The following NELL2 variants were observed in gnomAD, a reference collection of about 807,000 sequenced individuals.
The protein encoded by NELL2 is protein kinase C-binding protein NELL2.
In NELL2, 41 loss-of-function variants were observed where a neutral mutation model predicts 109.6. The ratio of observed to expected loss-of-function variants is 0.37; its 90% CI spans 0.29 to 0.49. NELL2 has a LOEUF of 0.49. NELL2 is among the 20% of genes least tolerant of loss of function. The pLI is 0.98. For missense variants in NELL2, 900 were observed against 1,008.3 expected, an observed-to-expected ratio of 0.89 and a Z score of 1.45; for synonymous variants, 355 against 344.7, an observed-to-expected ratio of 1.03 and a Z score of -0.33.
At chr12:44,886,093 AAGG>A (rs1298213302) in intron 1 of NELL2, among the ~76,000 whole-genome samples, 2 of 57,678 alleles carry the variant, frequency 3.5e-5, no homozygotes, top group East Asian at 4.0e-4. Flanking sequence ...GTAAGGAAGG[AAGG>A]AAGGAAGGAA....
intron 2 of NELL2, among the ~76,000 whole-genome samples, chr12:44,871,082 A>G (rs1377016393): frequency 6.6e-6 from 1 of 152,020 alleles, no homozygotes; most frequent in Non-Finnish European, 1.5e-5. Context: ...ATGCACATTC[A>G]TCCCATGCTC....
intron 2 of NELL2, among the ~76,000 whole-genome samples, chr12:44,850,165 T>C (rs1944491102): frequency 6.6e-6 from 1 of 152,108 alleles, no homozygotes; most frequent in African/African-American, 2.4e-5. Context: ...AAACACAGAG[T>C]AGACAGGTAT....
intron 9 of NELL2, among the ~76,000 whole-genome samples, chr12:44,751,462 C>T (rs745603642): frequency 7.2e-5 from 11 of 151,942 alleles, no homozygotes; most frequent in African/African-American, 9.7e-5. Flanking sequence ...TCATCAAAAT[C>T]TAGTATTTAG....
intron 15 of NELL2, among the ~76,000 whole-genome samples, chr12:44,600,131 T>A (rs752393385): frequency 0.01 from 390 of 38,982 alleles, 1 homozygote; most frequent in African/African-American, 0.018. Context: ...CCGGCTAATT[T>A]ATTTATTTAT....
At chr12:44,542,358 C>T (rs561421016) in intron 15 of NELL2, among the ~76,000 whole-genome samples, 1 of 151,766 alleles carries the variant, frequency 6.6e-6, no homozygotes, top group Non-Finnish European at 1.5e-5. Context: ...GGGATCTACC[C>T]TCAGACCTTT....
intron 9 of NELL2, among the ~76,000 whole-genome samples, chr12:44,722,806 T>C (rs1253289093): frequency 6.6e-6 from 1 of 152,198 alleles, no homozygotes; most frequent in Non-Finnish European, 1.5e-5. Flanking sequence ...AGTGATTTAT[T>C]ATAACTTGGT....
intron 2 of NELL2, among the ~76,000 whole-genome samples, chr12:44,817,742 C>T (rs527876670): frequency 1.3e-5 from 2 of 152,294 alleles, no homozygotes; most frequent in East Asian, 3.9e-4. Flanking sequence ...CCTGCTGTTT[C>T]CATCACCATT....
Position 44,511,399 on chromosome 12 carries a change from A to G in NELL2, c.2401-2415T>C, listed in dbSNP as rs529644405. Among the ~76,000 whole-genome samples, 5 of 152,310 alleles carry G rather than the reference A, an allele frequency of 3.3e-5. No individual in the cohort carries two copies. In the East Asian group the frequency reaches 9.7e-4, roughly 29 times the overall value. On this transcript the variant is annotated intron_variant, in intron 19 of 19. Transcript: ENST00000429094. ...GACACTACAGCAGTTTCAATCTTTG[A>G]AAGAAGGAAAATGTACTGTGTGAGT...
intron 15 of NELL2, among the ~76,000 whole-genome samples, chr12:44,562,831 G>T (rs148356907): frequency 1.3e-3 from 198 of 152,260 alleles, no homozygotes; most frequent in African/African-American, 4.5e-3. Context: ...ATACCCAAAG[G>T]ATTATAAATT....
intron 12 of NELL2, among the ~76,000 whole-genome samples, chr12:44,694,345 ATT>A: frequency 6.6e-6 from 1 of 152,232 alleles, no homozygotes; most frequent in Non-Finnish European, 1.5e-5. Flanking sequence ...AACTTATATC[ATT>A]GAGTCTCCAA....
rs143785167 is a variant in NELL2, at chr12:44,898,181, C to T, written c.38+15618G>A. ...GGAGAAGGGGTGGCTGTGGGCGCAG[C>T]TTCAGCAGACTTAAACGTTCCTGCC... is the stretch of plus-strand genomic sequence containing the variant. On this transcript the variant is annotated intron_variant, in intron 1 of 20. Coordinates refer to the NELL2 transcript ENST00000333837. Among the ~76,000 whole-genome samples the T allele has an allele frequency of 3.7e-3, 560 of 152,310 alleles. 1 individual carries two copies. Among genetic ancestry groups the T allele is most frequent in the African/African-American group, 0.013 (536 of 41,574 alleles).
chr12:44,779,616 A>C (rs761780382), intron 5 of NELL2, 47 bp downstream of exon 5: 1 of 1,451,100 alleles, frequency 6.9e-7, no homozygotes, highest in Non-Finnish European at 9.6e-7. Flanking sequence ...TTTGAAACTC[A>C]TTAGAAAGCA....
chr12:44,918,367 T>A (rs1391881630), upstream of NELL2, among the ~76,000 whole-genome samples: 1 of 152,242 alleles, frequency 6.6e-6, no homozygotes, highest in Admixed American at 6.5e-5. Flanking sequence ...GAAGCTCGTG[T>A]TAACTCCAAA....
At chr12:44,722,047 G>A (rs1348062798) in intron 9 of NELL2, among the ~76,000 whole-genome samples, 1 of 152,024 alleles carries the variant, frequency 6.6e-6, no homozygotes, top group Non-Finnish European at 1.5e-5. Context: ...ACTGAGGACA[G>A]AAAAATTTGA....
At chr12:44,784,279 T>C (rs748605267) in intron 3 of NELL2, among the ~76,000 whole-genome samples, 1 of 151,878 alleles carries the variant, frequency 6.6e-6, no homozygotes, top group Non-Finnish European at 1.5e-5. Flanking sequence ...CCCACCATTC[T>C]TATTCAACAT....
chr12:44,725,435 G>A (rs956846862), intron 9 of NELL2, among the ~76,000 whole-genome samples: 1 of 152,112 alleles, frequency 6.6e-6, no homozygotes, highest in Non-Finnish European at 1.5e-5. Flanking sequence ...ATTGTGGAAA[G>A]CAGTATGGTG....
At chr12:44,665,014 T>C (rs2136338558) in intron 13 of NELL2, among the ~76,000 whole-genome samples, 1 of 152,230 alleles carries the variant, frequency 6.6e-6, no homozygotes, top group Admixed American at 6.5e-5. Flanking sequence ...TATAGAAAAC[T>C]TCTTTGATGT....
intron 15 of NELL2, among the ~76,000 whole-genome samples, chr12:44,565,611 TCTAGA>T (rs1469930690): frequency 6.6e-6 from 1 of 152,188 alleles, no homozygotes; most frequent in African/African-American, 2.4e-5. Flanking sequence ...ACATGCTTAG[TCTAGA>T]GAGTGTACTA....
chr12:44,644,853 CT>C (rs1333172564), intron 13 of NELL2, among the ~76,000 whole-genome samples: 1 of 151,302 alleles, frequency 6.6e-6, no homozygotes, highest in African/African-American at 2.4e-5. Context: ...AGACATTATC[CT>C]TGTTTTGTGG....
Sources: allele counts gnomAD v4.1 joint callset (sites outside exome capture counted in the v4.1 genomes callset), GRCh38; gene constraint gnomAD v4.1.1; transcripts MANE v1.5; gene names NCBI Gene and HGNC (gene_info 2026-07-23, HGNC 2026-07-21).